RBFOX1: variants seen among roughly 807,000 people sequenced by gnomAD.
RBFOX1 encodes RNA binding fox-1 homolog 1, also known as RNA binding protein fox-1 homolog 1.
In RBFOX1, 8 loss-of-function variants were observed where a neutral mutation model predicts 57.7. That is an observed-to-expected ratio of 0.14 (90% CI 0.08 to 0.25). The LOEUF is 0.25. Among genes scored for constraint, RBFOX1 ranks in the 10% least tolerant of loss-of-function variants. The pLI, the probability that RBFOX1 is intolerant of heterozygous loss-of-function variation, is 1.00. For synonymous variants in RBFOX1, 326 were observed against 222.4 expected (o/e 1.47, Z -4.15); for missense variants, 611 against 548.5 (o/e 1.11, Z -1.14).
chr16:7,644,182 A>T (rs2143735693), intron 11 of RBFOX1, among the ~76,000 whole-genome samples: 1 of 152,240 alleles, frequency 6.6e-6, no homozygotes, highest in East Asian at 1.9e-4. Flanking sequence ...CCTTGGTTCA[A>T]ACCGCTGGGT....
rs1555508172 is a variant in RBFOX1 at position 6,104,140 on chromosome 16, C to CAT, written c.-127+84149_-127+84150insTA. On this transcript the variant is annotated intron_variant, in intron 1 of 15. Coordinates refer to ENST00000550418, the MANE Select transcript of RBFOX1 (RefSeq NM_018723.4). Reference sequence around the variant, plus strand: ...AGGTTTCTCCCAGTTGAAACACACACACACACACACACACACACAATATTA... The same window carrying CAT: ...AGGTTTCTCCCAGTTGAAACACACACATACACACACACACACACACAATATTA... Among the ~76,000 whole-genome samples the CAT allele has an allele frequency of 2.6e-5, 4 of 151,910 alleles. No homozygotes were observed. In the South Asian group the frequency reaches 8.3e-4, roughly 32 times the overall value.
At chr16:6,606,264 G>T (rs2097923912) in intron 2 of RBFOX1, among the ~76,000 whole-genome samples, 1 of 152,080 alleles carries the variant, frequency 6.6e-6, no homozygotes, top group Non-Finnish European at 1.5e-5. Flanking sequence ...TTTTTTCCAA[G>T]CCAATATATT....
chr16:5,369,895 G>A lies in RBFOX1; in HGVS notation c.220-97321G>A, dbSNP rs574711555. On this transcript the variant is annotated intron_variant, in intron 1 of 2. Coordinates refer to the RBFOX1 transcript ENST00000585867. ...AGTGACAGAAACCACAATTACTTTT[G>A]CACCAACCTATAGATGTCTGAGAAT... Among the ~76,000 whole-genome samples the A allele has an allele frequency of 4.6e-5, 7 of 152,172 alleles. No homozygotes were observed. In the East Asian group the frequency reaches 1.4e-3, roughly 30 times the overall value.
At chr16:6,818,754 C>G (rs2090669009) in intron 3 of RBFOX1, among the ~76,000 whole-genome samples, 1 of 152,190 alleles carries the variant, frequency 6.6e-6, no homozygotes, top group Non-Finnish European at 1.5e-5. Context: ...CCAAGCTTCA[C>G]AAGGGGGAGT....
chr16:7,507,683 C>T (rs1005435011), intron 4 of RBFOX1, among the ~76,000 whole-genome samples: 2 of 150,790 alleles, frequency 1.3e-5, no homozygotes, highest in East Asian at 2.0e-4. Flanking sequence ...TCTGCCTCAA[C>T]CTCCCAAGTA....
chr16:6,306,841 A>G (rs1376615907), intron 1 of RBFOX1, among the ~76,000 whole-genome samples: 3 of 152,108 alleles, frequency 2.0e-5, no homozygotes, highest in African/African-American at 4.8e-5. Context: ...AGGAAATGTC[A>G]CAGACCCCCC....
intron 3 of RBFOX1, among the ~76,000 whole-genome samples, chr16:6,832,377 G>A (rs531869452): frequency 1.3e-5 from 2 of 152,286 alleles, no homozygotes; most frequent in South Asian, 4.1e-4. Context: ...ATTGGTAGTG[G>A]ATGATTTCCC....
intron 2 of RBFOX1, among the ~76,000 whole-genome samples, chr16:6,484,115 G>A (rs2095423106): frequency 6.6e-6 from 1 of 152,138 alleles, no homozygotes; most frequent in Non-Finnish European, 1.5e-5. Context: ...CATTGGCTCC[G>A]TTTAACTTTA....
intron 3 of RBFOX1, among the ~76,000 whole-genome samples, chr16:6,985,642 G>C (rs970887507): frequency 1.3e-5 from 2 of 152,020 alleles, no homozygotes; most frequent in Non-Finnish European, 2.9e-5. Flanking sequence ...AGTCTGACCA[G>C]CGTGGCAAAA....
At chr16:6,907,083 C>T (rs979148362) in intron 3 of RBFOX1, among the ~76,000 whole-genome samples, 1 of 152,104 alleles carries the variant, frequency 6.6e-6, no homozygotes, top group Non-Finnish European at 1.5e-5. Context: ...CTCCGTATTC[C>T]AAGGATTCTC....
chr16:5,404,888 C>T (rs1359029847), intron 1 of RBFOX1, among the ~76,000 whole-genome samples: 1 of 152,230 alleles, frequency 6.6e-6, no homozygotes, highest in African/African-American at 2.4e-5. Flanking sequence ...AGAAAGCTTT[C>T]CAGCTTGGTC....
intron 14 of RBFOX1, among the ~76,000 whole-genome samples, chr16:7,688,170 C>G (rs971119249): frequency 4.0e-5 from 6 of 150,776 alleles, no homozygotes; most frequent in East Asian, 1.9e-4. Context: ...GGCCAGAAGA[C>G]CAACTTCTCA....
At position 5,528,545 on chromosome 16, in the gene RBFOX1, CTTTTTTT is replaced by C. The variant is rs755227280; in HGVS notation, c.258+61305_258+61311del. Among the ~76,000 whole-genome samples the C allele has an allele frequency of 1.5e-4, 17 of 115,268 alleles. 1 individual carries two copies. The highest frequency in any genetic ancestry group is 3.2e-4 in the African/African-American group (10 of 30,842). 75.6% of individuals were successfully genotyped at this position (115,268 alleles called of 152,430 possible). A position where few individuals can be genotyped will look rare whatever the true frequency, so the allele number is the denominator to read the frequency against. On this transcript the variant is annotated intron_variant, in intron 2 of 2. Transcript: ENST00000585867. Reference sequence around the variant, plus strand: ...CCTGCATATTCCCCCGACAGCTCTTCTTTTTTTTTTTTTTTTTTTTCTGGCTTCTTCT... The same window carrying C: ...CCTGCATATTCCCCCGACAGCTCTTCTTTTTTTTTTTTTCTGGCTTCTTCT...
At chr16:5,762,436 C>T (rs1316807422) in intron 3 of RBFOX1, among the ~76,000 whole-genome samples, 1 of 151,362 alleles carries the variant, frequency 6.6e-6, no homozygotes, top group Non-Finnish European at 1.5e-5. Flanking sequence ...TCATACCAGG[C>T]TGGTAGAAAT....
In RBFOX1 at chr16:6,454,888, T is replaced by G. The variant is rs1184482695; in HGVS notation, c.-64+137831T>G. On this transcript the variant is annotated intron_variant, in intron 2 of 15. Transcript: ENST00000550418. ...TTTTTTTTTTTTTTTTTTTTTTTTT[T>G]TTTTTTTTTTTTTGAGTTGGCGTCT... Among the ~76,000 whole-genome samples, 237 of 134,146 alleles carry G rather than the reference T, an allele frequency of 1.8e-3. 27 individuals carry two copies. Among genetic ancestry groups the G allele is most frequent in the Middle Eastern group, 0.011 (3 of 272 alleles). 88.0% of individuals were successfully genotyped at this position (134,146 alleles called of 152,430 possible).
chr16:7,227,784 C>T (rs1343684681), intron 4 of RBFOX1, among the ~76,000 whole-genome samples: 1 of 152,226 alleles, frequency 6.6e-6, no homozygotes, highest in Non-Finnish European at 1.5e-5. Flanking sequence ...GTGGCAGACA[C>T]AGGAAACTCC....
At chr16:5,566,339 G>A (rs990350630) in intron 2 of RBFOX1, among the ~76,000 whole-genome samples, 1 of 152,084 alleles carries the variant, frequency 6.6e-6, no homozygotes, top group African/African-American at 2.4e-5. Context: ...GACCGTTGAT[G>A]TATAATCACA....
chr16:7,384,842 TC>T (rs2148133287), intron 4 of RBFOX1, among the ~76,000 whole-genome samples: 1 of 152,288 alleles, frequency 6.6e-6, no homozygotes, highest in South Asian at 2.1e-4. Flanking sequence ...GAGCTTATAT[TC>T]TAGTTGAAAG....
chr16:5,553,387 C>G (rs1261833133), intron 2 of RBFOX1, among the ~76,000 whole-genome samples: 1 of 151,526 alleles, frequency 6.6e-6, no homozygotes, highest in African/African-American at 2.4e-5. Flanking sequence ...ACAATCTCAG[C>G]TCACTGCACA....
Sources: gnomAD v4.1 joint callset for allele counts (sites outside exome capture counted in the v4.1 genomes callset) on GRCh38, gnomAD v4.1.1 for gene constraint, MANE v1.5 for transcripts, NCBI Gene and HGNC (gene_info 2026-07-23, HGNC 2026-07-21) for gene names.